The following ANKRD22 variants were observed in gnomAD, a reference collection of about 807,000 sequenced individuals.
ANKRD22 encodes the protein ankyrin repeat domain 22.
A neutral mutation model predicts 25.7 loss-of-function variants in ANKRD22; 24 were observed. The observed-to-expected ratio is 0.93, with a 90% CI of 0.68 to 1.31. The LOEUF is 1.31. Ranked by LOEUF, ANKRD22 falls within the 50% of genes most tolerant of loss-of-function variation. The pLI is 0.00. For synonymous variants in ANKRD22, 84 were observed against 84.3 expected, an observed-to-expected ratio of 1.00 and a Z score of 0.02; for missense variants, 214 against 227.1, an observed-to-expected ratio of 0.94 and a Z score of 0.37.
Position 88,822,839 on chromosome 10 carries a change from T to C in ANKRD22, c.*102A>G. 4.2e-6 allele frequency: 4 copies of C among 957,104 alleles called. No homozygotes were observed. The highest frequency in any genetic ancestry group is 6.5e-6 in the Non-Finnish European group (4 of 612,212). 59.3% of individuals were successfully genotyped at this position (957,104 alleles called of 1,614,324 possible). A position where few individuals can be genotyped will look rare whatever the true frequency, so the allele number is the denominator to read the frequency against. ...GGTAAGCATCATTATCCCCATAAAATGGTGGCATCCAGGTTAAATGGCCCA... is the reference window on the plus strand; with the variant it reads ...GGTAAGCATCATTATCCCCATAAAACGGTGGCATCCAGGTTAAATGGCCCA... On this transcript the variant is annotated 3_prime_UTR_variant, in exon 6 of 6. Coordinates refer to ENST00000371930, the MANE Select transcript of ANKRD22 (RefSeq NM_144590.3).
chr10:88,835,227 G>A (rs1031130564), intron 1 of ANKRD22, among the ~76,000 whole-genome samples: 2 of 152,122 alleles, frequency 1.3e-5, no homozygotes, highest in African/African-American at 4.8e-5. Flanking sequence ...TGCTTTTGAG[G>A]GCTTTCTCAA....
intron 1 of ANKRD22, among the ~76,000 whole-genome samples, chr10:88,834,395 G>A (rs1193581003): frequency 6.6e-6 from 1 of 152,094 alleles, no homozygotes; most frequent in Non-Finnish European, 1.5e-5. Flanking sequence ...TAGCTTTATA[G>A]AAAAATTCAT....
intron 2 of ANKRD22, among the ~76,000 whole-genome samples, chr10:88,831,621 C>T (rs1180447736): frequency 2.0e-5 from 3 of 152,162 alleles, no homozygotes; most frequent in Admixed American, 1.3e-4. Flanking sequence ...TAATTTATCA[C>T]AAATTATGCC....
Position 88,822,800 on chromosome 10 carries a change from A to C in ANKRD22, c.*141T>G. On this transcript the variant is annotated 3_prime_UTR_variant, in exon 6 of 6. Transcript: ENST00000371930. ...AATGCTATAAATAAAAAGCTCTTCCAAAACATTAACCATGGTAAGCATCAT... is the reference window on the plus strand; with the variant it reads ...AATGCTATAAATAAAAAGCTCTTCCCAAACATTAACCATGGTAAGCATCAT... The C allele has an allele frequency of 1.3e-6, 1 of 760,270 alleles. No individual in the cohort carries two copies. The highest frequency in any genetic ancestry group is 2.5e-5 in the East Asian group (1 of 40,462). The allele number at this position is 760,270 out of a possible 1,614,324, so 47.1% of individuals were successfully genotyped here.
chr10:88,835,299 A>G (rs572787371), intron 1 of ANKRD22, among the ~76,000 whole-genome samples: 2 of 152,332 alleles, frequency 1.3e-5, no homozygotes, highest in Admixed American at 6.5e-5. Context: ...TAGGCTTCCT[A>G]GATCCAAGAC....
chr10:88,847,110 C>T (rs1342545611), intron 1 of ANKRD22, among the ~76,000 whole-genome samples: 1 of 152,074 alleles, frequency 6.6e-6, no homozygotes, highest in Non-Finnish European at 1.5e-5. Flanking sequence ...CTGATGGATC[C>T]ACTTTCTCAA....
chr10:88,846,118 T>A (rs1014201394), intron 1 of ANKRD22, among the ~76,000 whole-genome samples: 48 of 151,988 alleles, frequency 3.2e-4, no homozygotes, highest in Non-Finnish European at 5.9e-4. Flanking sequence ...CTGAAGGTAC[T>A]TTTTTTTGCG....
chr10:88,839,675 G>T (rs767431397), intron 1 of ANKRD22, among the ~76,000 whole-genome samples: 2 of 152,082 alleles, frequency 1.3e-5, no homozygotes, highest in Non-Finnish European at 2.9e-5. Flanking sequence ...GCTTCCATAA[G>T]GTCAAGCACC....
At chr10:88,831,613 A>G (rs775767495) in intron 2 of ANKRD22, among the ~76,000 whole-genome samples, 10 of 152,154 alleles carry the variant, frequency 6.6e-5, no homozygotes, top group Non-Finnish European at 1.3e-4. Flanking sequence ...AAAAGACATA[A>G]TTTATCACAA....
At position 88,823,366 on chromosome 10, in the gene ANKRD22, C is replaced by T. The variant is rs778012114; in HGVS notation, c.412G>A (p.Ala138Thr). 8 of 1,613,668 alleles carry T rather than the reference C, an allele frequency of 5.0e-6. No homozygotes were observed. Among genetic ancestry groups the T allele is most frequent in the Non-Finnish European group, 5.9e-6 (7 of 1,179,768 alleles). ...VNATDCYGCT[A>T]LHYACEMKNQ... Reference sequence around the variant, plus strand: ...TTCATTTCACAGGCATAATGTAATGCGGTACAGCCATACTGAAACACAAAG... The same window carrying T: ...TTCATTTCACAGGCATAATGTAATGTGGTACAGCCATACTGAAACACAAAG... The change falls in exon 5 of 6, where the codon GCA becomes ACA. Residue 138 changes from alanine (A) to threonine (T), a missense_variant. Physicochemically the swap from Ala to Thr is moderately conservative, Grantham distance 58. Coordinates refer to ENST00000371930, the MANE Select transcript of ANKRD22 (RefSeq NM_144590.3).
intron 1 of ANKRD22, among the ~76,000 whole-genome samples, chr10:88,849,249 A>G (rs1564608817): frequency 6.6e-6 from 1 of 152,116 alleles, no homozygotes; most frequent in Non-Finnish European, 1.5e-5. Context: ...TTTTTGTGCT[A>G]CTTCACAATG....
chr10:88,847,565 C>T (rs1424098149), intron 1 of ANKRD22, among the ~76,000 whole-genome samples: 1 of 152,066 alleles, frequency 6.6e-6, no homozygotes, highest in Non-Finnish European at 1.5e-5. Context: ...GGCCTCAACA[C>T]CATACTCTTC....
intron 4 of ANKRD22, 198 bp from the exon 5 acceptor site, chr10:88,823,576 C>T (rs2133068532): frequency 2.0e-6 from 1 of 490,992 alleles, no homozygotes; most frequent in Admixed American, 3.4e-5. Flanking sequence ...GCCTGTAATC[C>T]CAGCACTTTG....
At chr10:88,823,178 C>A in intron 5 of ANKRD22, 102 bp downstream of exon 5, 1 of 1,269,968 alleles carries the variant, frequency 7.9e-7, no homozygotes, top group Non-Finnish European at 1.1e-6. Context: ...ATTAATTTTA[C>A]TGTTGTTTAC....
At chr10:88,845,145 A>G (rs1844036332) in intron 1 of ANKRD22, among the ~76,000 whole-genome samples, 1 of 152,028 alleles carries the variant, frequency 6.6e-6, no homozygotes, top group Non-Finnish European at 1.5e-5. Flanking sequence ...GAAACTCCCT[A>G]AGTTTTCAAT....
Position 88,821,383 on chromosome 10 carries a change from A to C in ANKRD22, c.*1558T>G, listed in dbSNP as rs1196740046. ...CCATGATTTATTTCTTCAGAAAATT[A>C]TTCCACTTTTACACAATTTCAAAGA... On this transcript the variant is annotated 3_prime_UTR_variant, in exon 6 of 6. Transcript: ENST00000371930. Among the ~76,000 whole-genome samples, 2 of 152,252 alleles carry C rather than the reference A, an allele frequency of 1.3e-5. No individual in the cohort carries two copies. Among genetic ancestry groups the C allele is most frequent in the African/African-American group, 2.4e-5 (1 of 41,472 alleles).
rs574309712 is a variant in ANKRD22 at position 88,845,279 on chromosome 10, C to G, written c.21+6308G>C. On this transcript the variant is annotated intron_variant, in intron 1 of 5. Coordinates refer to ENST00000371930, the MANE Select transcript of ANKRD22 (RefSeq NM_144590.3). ...CAAAGGAGGTTGTCCTTTAATATTG[C>G]CTTCCTTCTCTGGCAAGACCATACC... 3.9e-5 allele frequency among the ~76,000 whole-genome samples: 6 copies of G among 152,188 alleles called. No homozygotes were observed. In the East Asian group the frequency reaches 1.2e-3, roughly 29 times the overall value.
chr10:88,835,399 A>T (rs1176232506), intron 1 of ANKRD22, among the ~76,000 whole-genome samples: 1 of 152,180 alleles, frequency 6.6e-6, no homozygotes, highest in Non-Finnish European at 1.5e-5. Context: ...ATACGTTCTG[A>T]GAAATGTGTT....
chr10:88,824,844 T>C (rs1291830741), intron 4 of ANKRD22, among the ~76,000 whole-genome samples: 1 of 152,230 alleles, frequency 6.6e-6, no homozygotes, highest in East Asian at 1.9e-4. Flanking sequence ...ACTTTTAACT[T>C]CATCTTTAAT....
Sources: allele counts gnomAD v4.1 joint callset (sites outside exome capture counted in the v4.1 genomes callset), GRCh38; gene constraint gnomAD v4.1.1; transcripts MANE v1.5; gene names NCBI Gene and HGNC (gene_info 2026-07-23, HGNC 2026-07-21).